GRIK4: variants seen among roughly 807,000 people sequenced by gnomAD.
GRIK4 encodes glutamate ionotropic receptor kainate type subunit 4, also known as glutamate receptor ionotropic, kainate 4.
Under a neutral mutation model 104.9 loss-of-function variants are expected in GRIK4, and 40 were observed. That is an observed-to-expected ratio of 0.38 (90% CI 0.30 to 0.50). The LOEUF (loss-of-function observed/expected upper bound fraction) is 0.50. Ranked by LOEUF, GRIK4 falls within the 20% of genes least tolerant of loss-of-function variation. The pLI, the probability that GRIK4 is intolerant of heterozygous loss-of-function variation, is 0.93. For missense variants in GRIK4, 1,047 were observed against 1,308.1 expected (o/e 0.80, Z 3.08); for synonymous variants, 485 against 524.9 (o/e 0.92, Z 1.04).
intron 4 of GRIK4, among the ~76,000 whole-genome samples, chr11:120,804,399 G>A (rs370486118): frequency 4.6e-4 from 70 of 152,350 alleles, no homozygotes; most frequent in African/African-American, 1.6e-3. Flanking sequence ...GTGACATCCA[G>A]AAAAGTTAAG....
chr11:120,710,058 G>A (rs7103228), intron 3 of GRIK4, among the ~76,000 whole-genome samples: 37,890 of 152,022 alleles, frequency 0.25, 6,398 homozygotes, highest in African/African-American at 0.48. Flanking sequence ...AGAGTGGCTT[G>A]TAGGTCCCAG....
intron 2 of GRIK4, among the ~76,000 whole-genome samples, chr11:120,659,094 A>G (rs1949769413): frequency 6.6e-6 from 1 of 151,980 alleles, no homozygotes; most frequent in African/African-American, 2.4e-5. Flanking sequence ...GGATTAGCAT[A>G]TCCAGGTGCT....
intron 11 of GRIK4, among the ~76,000 whole-genome samples, chr11:120,892,141 G>C (rs780378768): frequency 6.6e-6 from 1 of 152,178 alleles, no homozygotes; most frequent in South Asian, 2.1e-4. Context: ...ACAGGGAATG[G>C]CATGTGCAAA....
chr11:120,807,311 G>A (rs921136214), intron 4 of GRIK4, among the ~76,000 whole-genome samples: 1 of 152,138 alleles, frequency 6.6e-6, no homozygotes, highest in African/African-American at 2.4e-5. Flanking sequence ...CAAACAACCT[G>A]AGGCTCCGTC....
intron 1 of GRIK4, among the ~76,000 whole-genome samples, chr11:120,616,161 G>A (rs1949110690): frequency 6.6e-6 from 1 of 152,122 alleles, no homozygotes; most frequent in African/African-American, 2.4e-5. Flanking sequence ...TGGGGCAGAG[G>A]GAAGAACTTG....
intron 18 of GRIK4, among the ~76,000 whole-genome samples, chr11:120,965,296 T>C (rs1161464339): frequency 2.6e-5 from 4 of 152,198 alleles, no homozygotes; most frequent in African/African-American, 4.8e-5. Flanking sequence ...GCCTTGAAAC[T>C]GCTTGAAATG....
intron 1 of GRIK4, among the ~76,000 whole-genome samples, chr11:120,593,104 A>G (rs935770362): frequency 9.7e-5 from 14 of 144,798 alleles, no homozygotes; most frequent in African/African-American, 3.6e-4. Flanking sequence ...AATCGCTTGA[A>G]CCCGGGAGGC....
In GRIK4 at chr11:120,953,695, G is replaced by A. The variant is rs1944063651; in HGVS notation, c.1700+731G>A. On this transcript the variant is annotated intron_variant, in intron 15 of 20. Coordinates refer to ENST00000527524, the MANE Select transcript of GRIK4 (RefSeq NM_014619.5). The surrounding 1 kb of genome is among the most constrained non-coding windows in gnomAD (Gnocchi z 4.9). The stretch of plus-strand genomic sequence containing the variant: ...GGAAAAACCTGAGGAGCAGCCTGAG[G>A]CTGTGGCCTCCCAAGACTGTGCACA... 6.6e-6 allele frequency among the ~76,000 whole-genome samples: 1 copy of A among 152,244 alleles called. No individual in the cohort carries two copies. The highest frequency in any genetic ancestry group is 2.4e-5 in the African/African-American group (1 of 41,462).
At chr11:120,730,083 G>A (rs151118391) in intron 3 of GRIK4, among the ~76,000 whole-genome samples, 2 of 152,084 alleles carry the variant, frequency 1.3e-5, no homozygotes, top group Non-Finnish European at 2.9e-5. Context: ...GGTGGGGCAC[G>A]GTGTCTCATG....
At chr11:120,610,078 T>C (rs911088149) in intron 1 of GRIK4, among the ~76,000 whole-genome samples, 3 of 152,186 alleles carry the variant, frequency 2.0e-5, no homozygotes, top group Non-Finnish European at 4.4e-5. Flanking sequence ...ATCTGCCTTC[T>C]CCTGTCTCTC....
In GRIK4 at chr11:120,716,371, G is replaced by C; in HGVS notation, c.82+55971G>C. On this transcript the variant is annotated intron_variant, in intron 3 of 20. Transcript: ENST00000527524. ...CAATCCTCCCCCCTCAGCCTCCCAA[G>C]TAGCTGGGATTACAGGCGCCTGCCA... Among the ~76,000 whole-genome samples the C allele has an allele frequency of 1.3e-5, 2 of 152,098 alleles. 1 individual carries two copies. The highest frequency in any genetic ancestry group is 1.3e-4 in the Admixed American group (2 of 15,280).
chr11:120,825,418 A>G (rs1217259806), intron 6 of GRIK4, among the ~76,000 whole-genome samples: 1 of 152,232 alleles, frequency 6.6e-6, no homozygotes, highest in Non-Finnish European at 1.5e-5. Context: ...TGGAGAGTGA[A>G]TAACACAGTG....
At chr11:120,603,941 A>G (rs1029166345) in intron 1 of GRIK4, among the ~76,000 whole-genome samples, 24 of 151,678 alleles carry the variant, frequency 1.6e-4, no homozygotes, top group African/African-American at 5.8e-4. Flanking sequence ...GAGGCCGAGG[A>G]AGGCGGATCA....
intron 8 of GRIK4, among the ~76,000 whole-genome samples, chr11:120,846,709 G>A (rs1417015281): frequency 6.6e-6 from 1 of 152,184 alleles, no homozygotes; most frequent in Non-Finnish European, 1.5e-5. Flanking sequence ...CACTGACTGT[G>A]TGATCTTGGA....
chr11:120,669,393 C>T (rs1949975733), intron 3 of GRIK4, among the ~76,000 whole-genome samples: 1 of 152,204 alleles, frequency 6.6e-6, no homozygotes, highest in African/African-American at 2.4e-5. Context: ...TAAAAACCTT[C>T]CTTAGCTGCT....
At chr11:120,598,797 T>C (rs550825307) in intron 1 of GRIK4, among the ~76,000 whole-genome samples, 1 of 152,358 alleles carries the variant, frequency 6.6e-6, no homozygotes, top group South Asian at 2.1e-4. Flanking sequence ...CTGAGCTGGC[T>C]TGGACCCTGT....
chr11:120,594,529 A>C (rs1271931932), intron 1 of GRIK4, among the ~76,000 whole-genome samples: 1 of 152,186 alleles, frequency 6.6e-6, no homozygotes, highest in Non-Finnish European at 1.5e-5. Context: ...GCCATGCCTT[A>C]TAAGGCCCTT....
chr11:120,908,941 C>T (rs1187585278), intron 13 of GRIK4, among the ~76,000 whole-genome samples: 1 of 152,214 alleles, frequency 6.6e-6, no homozygotes, highest in Non-Finnish European at 1.5e-5. Flanking sequence ...GAGCTGTGAC[C>T]CTCTCCTTGC....
chr11:120,667,411 A>G (rs1949933251), intron 3 of GRIK4, among the ~76,000 whole-genome samples: 1 of 152,238 alleles, frequency 6.6e-6, no homozygotes, highest in African/African-American at 2.4e-5. Context: ...AGCACAGGCA[A>G]TGTGGAAGCT....
Sources: allele counts gnomAD v4.1 joint callset (sites outside exome capture counted in the v4.1 genomes callset), GRCh38; gene constraint gnomAD v4.1.1; non-coding constraint Gnocchi (gnomAD v3.1); transcripts MANE v1.5; gene names NCBI Gene and HGNC (gene_info 2026-07-23, HGNC 2026-07-21).